Variants in GIT1 observed in about 807,000 individuals in gnomAD.
GIT1 encodes ARF GTPase-activating protein GIT1.
GIT1 carries 14 observed loss-of-function variants against 91.7 expected under a neutral mutation model. The ratio of observed to expected loss-of-function variants is 0.15; its 90% CI spans 0.10 to 0.24. GIT1 has a LOEUF of 0.24. GIT1 is among the 10% of genes least tolerant of loss of function. The pLI, the probability that GIT1 is intolerant of heterozygous loss-of-function variation, is 1.00. For missense variants in GIT1, 717 were observed against 1,024.9 expected (o/e 0.70, Z 4.10); for synonymous variants, 414 against 418.2 (o/e 0.99, Z 0.12).
Position 29,589,371 on chromosome 17 carries a change from CG to C in GIT1, c.7del (p.Arg3GlufsTer185). The C allele has an allele frequency of 1.9e-6, 2 of 1,080,044 alleles. No individual in the cohort carries two copies. Among genetic ancestry groups the C allele is most frequent in the South Asian group, 2.5e-5 (1 of 39,614 alleles). 66.9% of individuals were successfully genotyped at this position (1,080,044 alleles called of 1,614,324 possible). Reference sequence around the variant, plus strand: ...ACACACCTCCGCTCGCGGCCCCTTTCGGGACATCCTCAGCGGCGACGCGGCC... The same window carrying C: ...ACACACCTCCGCTCGCGGCCCCTTTCGGACATCCTCAGCGGCGACGCGGCC... MS[R>X]KGPRAEVCAD... On this transcript the variant is annotated frameshift_variant, in exon 1 of 20. Coordinates refer to ENST00000225394, the MANE Select transcript of GIT1 (RefSeq NM_014030.4). LOFTEE classifies it high-confidence loss of function. The surrounding 1 kb of genome is among the most constrained non-coding windows in gnomAD (Gnocchi z 5.2).
rs776886385 is a variant in GIT1 at position 29,575,483 on chromosome 17, T to C, written c.1827-13A>G. Reference sequence around the variant, plus strand: ...CTTCCCTTCCAGCCTGAGGCCCAGGTCCAGAAAACAGAGACAAAGATACAT... The same window carrying C: ...CTTCCCTTCCAGCCTGAGGCCCAGGCCCAGAAAACAGAGACAAAGATACAT... On this transcript the variant is annotated splice_polypyrimidine_tract_variant and intron_variant, in intron 17 of 19. Transcript: ENST00000225394. The surrounding 1 kb of genome is among the most constrained non-coding windows in gnomAD (Gnocchi z 5.5). 4 of 1,594,830 alleles carry C rather than the reference T, an allele frequency of 2.5e-6. No individual in the cohort carries two copies. Among genetic ancestry groups the C allele is most frequent in the Non-Finnish European group, 3.4e-6 (4 of 1,170,316 alleles).
intron 13 of GIT1, 32 bp downstream of exon 13, chr17:29,576,490 G>A (rs1416718469): frequency 6.2e-7 from 1 of 1,613,262 alleles, no homozygotes; most frequent in South Asian, 1.1e-5. Context: ...GGAGTCCTGG[G>A]GCTCCCCCTC....
chr17:29,578,679 G>C, intron 8 of GIT1, 52 bp downstream of exon 8: 1 of 1,472,154 alleles, frequency 6.8e-7, no homozygotes, highest in Non-Finnish European at 9.5e-7. Flanking sequence ...GAGGGTGGGG[G>C]ATCAGAGAGG....
chr17:29,578,261 G>A lies in GIT1; in HGVS notation c.883+38C>T, dbSNP rs375780792. 8.4e-6 allele frequency: 13 copies of A among 1,547,588 alleles called. No homozygotes were observed. In the African/African-American group the frequency reaches 1.1e-4, roughly 13 times the overall value. On this transcript the variant is annotated intron_variant, in intron 9 of 19. Transcript: ENST00000225394. ...CCAGAGACCCATGCCTGGGCCGCTC[G>A]GGTCCTCCACGCCAGACACTCCTGC...
At position 29,574,452 on chromosome 17, in the gene GIT1, G is replaced by C. The variant is rs1040205335; in HGVS notation, c.*250C>G. ...TGCCTTGCAGGCCCCTGCTCACTAG[G>C]AGGGGGGAGATGCTATATACAGAGG... On this transcript the variant is annotated 3_prime_UTR_variant, in exon 20 of 20. Transcript: ENST00000225394. 6 of 548,440 alleles carry C rather than the reference G, an allele frequency of 1.1e-5. No homozygotes were observed. The highest frequency in any genetic ancestry group is 2.0e-5 in the Non-Finnish European group (6 of 303,790). 34.0% of individuals were successfully genotyped at this position (548,440 alleles called of 1,614,324 possible).
chr17:29,583,361 G>A, intron 2 of GIT1, 122 bp downstream of exon 2: 1 of 992,608 alleles, frequency 1.0e-6, no homozygotes, highest in Non-Finnish European at 1.5e-6. Flanking sequence ...GCCCTAGGGG[G>A]GTGCTGCCCC....
chr17:29,582,274 G>A (rs1371013711), intron 4 of GIT1, 130 bp from the exon 5 acceptor site: 2 of 669,808 alleles, frequency 3.0e-6, no homozygotes, highest in African/African-American at 1.8e-5. Context: ...AGACTATGTC[G>A]GGAGGACAGA....
chr17:29,579,739 G>T (rs1423326699), intron 7 of GIT1, among the ~76,000 whole-genome samples: 1 of 151,528 alleles, frequency 6.6e-6, no homozygotes, highest in East Asian at 1.9e-4. Context: ...AAAAAAAAAG[G>T]CTAAACATTT....
rs780246537 is a variant in GIT1, at chr17:29,582,653, G to C, written c.405+45C>G. The C allele has an allele frequency of 4.6e-6, 6 of 1,301,344 alleles. No individual in the cohort carries two copies. The Admixed American group carries it at 1.0e-4, about 22-fold the overall frequency. The allele number at this position is 1,301,344 out of a possible 1,614,324, so 80.6% of individuals were successfully genotyped here. A position where few individuals can be genotyped will look rare whatever the true frequency, so the allele number is the denominator to read the frequency against. ...GAGGCCTTCAGAGAGTCGTGGATGG[G>C]AAGAAGAGGAGGGGGCCACCCATCT... is the stretch of plus-strand genomic sequence containing the variant. On this transcript the variant is annotated intron_variant, in intron 4 of 19. Coordinates refer to ENST00000225394, the MANE Select transcript of GIT1 (RefSeq NM_014030.4).
Position 29,589,372 on chromosome 17 carries a change from G to T in GIT1, c.7C>A (p.Arg3=). Residue 3 remains arginine (R), a synonymous_variant, in exon 1 of 20, where the codon CGA becomes AGA. Coordinates refer to ENST00000225394, the MANE Select transcript of GIT1 (RefSeq NM_014030.4). This position sits in a 1 kb window ranked among gnomAD's most constrained non-coding sequence, Gnocchi z 5.2. MS[R]KGPRAEVCAD... is the part of the protein sequence containing the mutation. ...CACACCTCCGCTCGCGGCCCCTTTC[G>T]GGACATCCTCAGCGGCGACGCGGCC... is the stretch of plus-strand genomic sequence containing the variant. 1 of 1,078,156 alleles carries T rather than the reference G, an allele frequency of 9.3e-7. No individual in the cohort carries two copies. The highest frequency in any genetic ancestry group is 1.1e-6 in the Non-Finnish European group (1 of 879,930). 66.8% of individuals were successfully genotyped at this position (1,078,156 alleles called of 1,614,324 possible).
chr17:29,574,870 G>A lies in GIT1; in HGVS notation c.2118C>T (p.Asn706=), dbSNP rs778244686. The stretch of plus-strand genomic sequence containing the variant: ...CACTCTGCAGCCGGTAGGCGCTGGC[G>A]TTGAGCAGCCGCAGTGAGCTCCGCA... The part of the protein sequence containing the change: ...EPVRSSLRLL[N]ASAYRLQSEC... The change falls in exon 20 of 20, where the codon AAC becomes AAT. Residue 706 remains asparagine (N), a synonymous_variant. Transcript: ENST00000225394. 1.7e-5 allele frequency: 27 copies of A among 1,587,198 alleles called. No homozygotes were observed. The highest frequency in any genetic ancestry group is 5.6e-5 in the South Asian group (5 of 89,192).
intron 1 of GIT1, 81 bp from the exon 2 acceptor site, chr17:29,583,697 C>T: frequency 7.0e-7 from 1 of 1,425,098 alleles, no homozygotes; most frequent in East Asian, 2.5e-5. Flanking sequence ...CCGTGCCAAG[C>T]CTAGTACTCT....
chr17:29,581,864 T>A lies in GIT1; in HGVS notation c.624-28A>T. The A allele has an allele frequency of 6.2e-7, 1 of 1,610,652 alleles. No homozygotes were observed. The highest frequency in any genetic ancestry group is 8.5e-7 in the Non-Finnish European group (1 of 1,178,162). On this transcript the variant is annotated intron_variant, in intron 5 of 19. Coordinates refer to ENST00000225394, the MANE Select transcript of GIT1 (RefSeq NM_014030.4). This position sits in a 1 kb window ranked among gnomAD's most constrained non-coding sequence, Gnocchi z 4.8. ...GTGAGGAGGGGGTATGGCTCAGACC[T>A]GCAGCAGCAGCCCTCACCCACACCC...
chr17:29,589,440 GGGCGGC>G lies in GIT1; in HGVS notation c.-68_-63del. ...CGTGGGGGGCGCGGGCGGCGGGCCC[GGGCGGC>G]GGCGGCGGCCCCTGCTGCCCGGCCC... On this transcript the variant is annotated 5_prime_UTR_variant, in exon 1 of 20. Transcript: ENST00000225394. This position sits in a 1 kb window ranked among gnomAD's most constrained non-coding sequence, Gnocchi z 5.2. 2.8e-6 allele frequency: 2 copies of G among 702,600 alleles called. No homozygotes were observed. Among genetic ancestry groups the G allele is most frequent in the Non-Finnish European group, 3.5e-6 (2 of 574,380 alleles). 43.5% of individuals were successfully genotyped at this position (702,600 alleles called of 1,614,324 possible). A position where few individuals can be genotyped will look rare whatever the true frequency, so the allele number is the denominator to read the frequency against.
intron 1 of GIT1, 52 bp from the exon 2 acceptor site, chr17:29,583,668 C>A: frequency 6.5e-7 from 1 of 1,529,716 alleles, no homozygotes. Flanking sequence ...GGCCAGACCT[C>A]CTGAGCACCT....
chr17:29,582,606 A>G, intron 4 of GIT1, 92 bp downstream of exon 4: 1 of 882,828 alleles, frequency 1.1e-6, no homozygotes, highest in East Asian at 2.5e-5. Context: ...TTTGGGGCCC[A>G]GGGCTCAGTG....
chr17:29,579,051 G>A, intron 7 of GIT1: 1 of 1,481,594 alleles, frequency 6.7e-7, no homozygotes, highest in South Asian at 1.1e-5. Context: ...CCCAGGAGCA[G>A]GGCAGCACAC....
At chr17:29,578,239 G>A in intron 9 of GIT1, 60 bp downstream of exon 9, 1 of 1,353,976 alleles carries the variant, frequency 7.4e-7, no homozygotes, top group Admixed American at 1.7e-5. Flanking sequence ...TAAAGGACCA[G>A]AGACCCATGC....
chr17:29,579,171 C>G, intron 7 of GIT1: 2 of 612,136 alleles, frequency 3.3e-6, no homozygotes, highest in Non-Finnish European at 5.9e-6. Flanking sequence ...GCTTGCTCTT[C>G]CTCTCAGTGA....
Sources: allele counts gnomAD v4.1 joint callset (sites outside exome capture counted in the v4.1 genomes callset), GRCh38; gene constraint gnomAD v4.1.1; non-coding constraint Gnocchi (gnomAD v3.1); transcripts MANE v1.5; gene names NCBI Gene and HGNC (gene_info 2026-07-23, HGNC 2026-07-21).